TEK: variants seen among roughly 807,000 people sequenced by gnomAD.
TEK encodes angiopoietin-1 receptor.
TEK carries 43 observed loss-of-function variants against 131.8 expected under a neutral mutation model. That is an observed-to-expected ratio of 0.33 (90% CI 0.26 to 0.42). TEK has a LOEUF of 0.42. Ranked by LOEUF, TEK falls within the 10% of genes least tolerant of loss-of-function variation. The pLI is 1.00. For missense variants in TEK, 1,162 were observed against 1,384.4 expected (o/e 0.84, Z 2.55); for synonymous variants, 580 against 491.6 (o/e 1.18, Z -2.38).
chr9:27,119,982 CCTTCCTTTAGTCTCCAT>C, intron 1 of TEK, among the ~76,000 whole-genome samples: 1 of 152,268 alleles, frequency 6.6e-6, no homozygotes, highest in East Asian at 1.9e-4. Context: ...TCTAATTCCA[CCTTCCTTTAGTCTCCAT>C]TCTACTTTGT....
chr9:27,144,602 A>AT (rs576655977), intron 1 of TEK, among the ~76,000 whole-genome samples: 11 of 150,708 alleles, frequency 7.3e-5, no homozygotes, highest in African/African-American at 2.2e-4. Context: ...AGCACACAGG[A>AT]TTTTTTTTTT....
At chr9:27,181,075 A>G (rs1379058319) in intron 7 of TEK, among the ~76,000 whole-genome samples, 1 of 152,028 alleles carries the variant, frequency 6.6e-6, no homozygotes, top group African/African-American at 2.4e-5. Context: ...TCTGACAACC[A>G]TTTATTTGCA....
intron 1 of TEK, among the ~76,000 whole-genome samples, chr9:27,119,616 AGAGTCG>A (rs1821704051): frequency 1.1e-4 from 9 of 82,818 alleles, no homozygotes; most frequent in East Asian, 5.0e-4. Flanking sequence ...AGTCGGGTGG[AGAGTCG>A]GGTGGGGAGA....
chr9:27,169,257 G>A (rs1823858559), intron 3 of TEK, among the ~76,000 whole-genome samples: 1 of 152,148 alleles, frequency 6.6e-6, no homozygotes, highest in South Asian at 2.1e-4. Context: ...GTGTTTGGTG[G>A]TAGATCCCAC....
intron 1 of TEK, among the ~76,000 whole-genome samples, chr9:27,125,239 C>T (rs1016166188): frequency 3.9e-5 from 6 of 152,242 alleles, no homozygotes; most frequent in African/African-American, 1.4e-4. Flanking sequence ...GCCTAACAGG[C>T]TTGGATACAG....
At chr9:27,117,875 T>A (rs919846853) in intron 1 of TEK, among the ~76,000 whole-genome samples, 1 of 152,182 alleles carries the variant, frequency 6.6e-6, no homozygotes, top group Non-Finnish European at 1.5e-5. Context: ...AAGGGTGATA[T>A]CATGCTTCCT....
intron 10 of TEK, among the ~76,000 whole-genome samples, chr9:27,191,618 G>T (rs2131185348): frequency 6.6e-6 from 1 of 152,044 alleles, no homozygotes; most frequent in East Asian, 1.9e-4. Flanking sequence ...GAGGAGGAGG[G>T]TTTTGGGCTG....
At chr9:27,129,253 T>C (rs1274186708) in intron 1 of TEK, among the ~76,000 whole-genome samples, 1 of 152,160 alleles carries the variant, frequency 6.6e-6, no homozygotes, top group African/African-American at 2.4e-5. Context: ...TGTCATTCTG[T>C]TTATGTGATG....
At position 27,169,518 on chromosome 9, in the gene TEK, A is replaced by T; in HGVS notation, c.517A>T (p.Ile173Phe). ...AGTGCCCCGGCATGAAGTACCTGAT[A>T]TTCTAGAAGTACACCTGCCTCATGC... ...HSVPRHEVPD[I>F]LEVHLPHAQP... Residue 173 changes from isoleucine to phenylalanine, a missense_variant, in exon 4 of 23, where the codon ATT (isoleucine) becomes TTT (phenylalanine). Around this residue, in one of 6 missense-constraint regions of TEK, gnomAD observed 436 missense variants for 539.1 expected, o/e 0.81. Transcript: ENST00000380036. The T allele has an allele frequency of 6.2e-7, 1 of 1,614,038 alleles. No individual in the cohort carries two copies. Among genetic ancestry groups the T allele is most frequent in the Non-Finnish European group, 8.5e-7 (1 of 1,179,938 alleles).
At chr9:27,150,189 G>T (rs1823072618) in intron 1 of TEK, among the ~76,000 whole-genome samples, 1 of 152,084 alleles carries the variant, frequency 6.6e-6, no homozygotes, top group Non-Finnish European at 1.5e-5. Flanking sequence ...TGTTAACACT[G>T]CTACTCTGGG....
chr9:27,142,223 A>C (rs188611817), intron 1 of TEK, among the ~76,000 whole-genome samples: 69 of 152,326 alleles, frequency 4.5e-4, no homozygotes, highest in African/African-American at 1.6e-3. Context: ...TGTTGACAAT[A>C]ACTTGGAGTT....
chr9:27,118,526 C>G (rs1271316924), intron 1 of TEK, among the ~76,000 whole-genome samples: 1 of 152,076 alleles, frequency 6.6e-6, no homozygotes, highest in East Asian at 1.9e-4. Context: ...CCCAGCAACC[C>G]GGGAGGCTGA....
chr9:27,166,534 T>G (rs1489395226), intron 2 of TEK, among the ~76,000 whole-genome samples: 5 of 152,232 alleles, frequency 3.3e-5, no homozygotes, highest in African/African-American at 1.2e-4. Flanking sequence ...GAATAAAATC[T>G]AACAAGGTTT....
chr9:27,124,641 A>G (rs1158795327), intron 1 of TEK, among the ~76,000 whole-genome samples: 1 of 152,258 alleles, frequency 6.6e-6, no homozygotes, highest in Admixed American at 6.5e-5. Context: ...TCAACCTATT[A>G]TAACAACTAC....
At chr9:27,173,621 T>G (rs1824046414) in intron 6 of TEK, among the ~76,000 whole-genome samples, 1 of 151,994 alleles carries the variant, frequency 6.6e-6, no homozygotes, top group South Asian at 2.1e-4. Context: ...TTGGTAGGCA[T>G]GGACTGGGGC....
At chr9:27,168,334 A>G (rs942581562) in intron 2 of TEK, among the ~76,000 whole-genome samples, 161 bp from the exon 3 acceptor site, 5 of 152,214 alleles carry the variant, frequency 3.3e-5, no homozygotes, top group African/African-American at 1.2e-4. Flanking sequence ...ACATAATGTT[A>G]AGAAAGGTTA....
intron 2 of TEK, among the ~76,000 whole-genome samples, chr9:27,165,596 A>AG (rs1392551241): frequency 6.6e-6 from 1 of 152,214 alleles, no homozygotes; most frequent in African/African-American, 2.4e-5. Context: ...TAGGCACCTC[A>AG]GGGCTTAGCC....
chr9:27,183,386 G>A, intron 7 of TEK, 73 bp from the exon 8 acceptor site: 3 of 1,530,204 alleles, frequency 2.0e-6, no homozygotes, highest in Non-Finnish European at 2.7e-6. Flanking sequence ...TACTAAAGTA[G>A]CTATTTTTAT....
intron 1 of TEK, among the ~76,000 whole-genome samples, chr9:27,127,701 G>C (rs2131054583): frequency 6.6e-6 from 1 of 152,260 alleles, no homozygotes; most frequent in African/African-American, 2.4e-5. Flanking sequence ...TCTCATTGTG[G>C]TTTTGATTTG....
Sources: gnomAD v4.1 joint callset for allele counts (sites outside exome capture counted in the v4.1 genomes callset) on GRCh38, gnomAD v4.1.1 for gene constraint, gnomAD v4.1.1 regional missense constraint, MANE v1.5 for transcripts, NCBI Gene and HGNC (gene_info 2026-07-23, HGNC 2026-07-21) for gene names.